Variants in LPIN3 observed in about 807,000 individuals in gnomAD.
The protein encoded by LPIN3 is lipin 3, also known as phosphatidate phosphatase LPIN3.
In LPIN3, 82 loss-of-function variants were observed where a neutral mutation model predicts 94.7. That is an observed-to-expected ratio of 0.87 (90% confidence interval 0.72 to 1.04). The LOEUF (loss-of-function observed/expected upper bound fraction) is 1.04. LPIN3 is among the 50% of genes least tolerant of loss of function. LPIN3 has a pLI of 0.00. For missense variants in LPIN3, 996 were observed against 1,090.5 expected (o/e 0.91, Z 1.22); for synonymous variants, 418 against 443.3 (o/e 0.94, Z 0.72).
intron 7 of LPIN3, 125 bp from the exon 8 acceptor site, chr20:41,351,696 T>G (rs1031174276): frequency 4.0e-6 from 3 of 757,742 alleles, no homozygotes; most frequent in Non-Finnish European, 6.6e-6. Flanking sequence ...ACATGGGACA[T>G]TTGTATCACT....
Position 41,352,213 on chromosome 20 carries a change from C to T in LPIN3, c.1356C>T (p.Ile452=). The T allele has an allele frequency of 2.5e-6, 4 of 1,614,174 alleles. No individual in the cohort carries two copies. The highest frequency in any genetic ancestry group is 3.4e-6 in the Non-Finnish European group (4 of 1,180,028). The change falls in exon 9 of 20, where the codon ATC becomes ATT. Residue 452 remains isoleucine (I), a synonymous_variant. Coordinates refer to ENST00000373257, the MANE Select transcript of LPIN3 (RefSeq NM_022896.3). The stretch of plus-strand genomic sequence containing the variant: ...GTGGACTGGCTGACAGCCGGGACAT[C>T]TCCCTAGGTATGTTCGACCATGGCC... ...LCGGLADSRD[I]SLEKFNQHSV...
chr20:41,349,787 G>A lies in LPIN3; in HGVS notation c.652G>A (p.Glu218Lys). The change falls in exon 6 of 20, where the codon GAG (glutamate) becomes AAG (lysine). Residue 218 changes from glutamate (E) to lysine (K), a missense_variant. Coordinates refer to ENST00000373257, the MANE Select transcript of LPIN3 (RefSeq NM_022896.3). ...TGTCTCCTGCAGCCTCTCAGCAGGTGAGCTAACATCCCCTAAGAGCGACTC... is the reference window on the plus strand; with the variant it reads ...TGTCTCCTGCAGCCTCTCAGCAGGTAAGCTAACATCCCCTAAGAGCGACTC... ...WPPQASLSAG[E>K]LTSPKSDSEL... 1 of 1,613,382 alleles carries A rather than the reference G, an allele frequency of 6.2e-7. No individual in the cohort carries two copies. Among genetic ancestry groups the A allele is most frequent in the Non-Finnish European group, 8.5e-7 (1 of 1,179,904 alleles).
At position 41,358,883 on chromosome 20, in the gene LPIN3, T is replaced by C. The variant is rs1476677815; in HGVS notation, c.*17T>C. The C allele has an allele frequency of 6.2e-7, 1 of 1,613,298 alleles. No homozygotes were observed. The highest frequency in any genetic ancestry group is 1.1e-5 in the South Asian group (1 of 90,986). ...CTGGACTGAACCTGCCCTGGCTGGCTCCTCCTCCCTGGCCCGGCCCAGGAC... is the reference window on the plus strand; with the variant it reads ...CTGGACTGAACCTGCCCTGGCTGGCCCCTCCTCCCTGGCCCGGCCCAGGAC... On this transcript the variant is annotated 3_prime_UTR_variant, in exon 20 of 20. Coordinates refer to ENST00000373257, the MANE Select transcript of LPIN3 (RefSeq NM_022896.3).
rs940198367 is a variant in LPIN3, at chr20:41,359,066, C to T, written c.*200C>T. 16 of 491,018 alleles carry T rather than the reference C, an allele frequency of 3.3e-5. No individual in the cohort carries two copies. Among genetic ancestry groups the T allele is most frequent in the East Asian group, 2.0e-4 (5 of 25,064 alleles). The allele number at this position is 491,018 out of a possible 1,614,324, so 30.4% of individuals were successfully genotyped here. On this transcript the variant is annotated 3_prime_UTR_variant, in exon 20 of 20. Transcript: ENST00000373257. The stretch of plus-strand genomic sequence containing the variant: ...CCAGCTAAGCTGCAGCTGCTCCAGG[C>T]GTCAGTGTGGCACTGTCCTGGGGCA...
intron 5 of LPIN3, 103 bp from the exon 6 acceptor site, chr20:41,349,671 C>T (rs1215674788): frequency 1.2e-5 from 17 of 1,388,108 alleles, no homozygotes; most frequent in Non-Finnish European, 1.6e-5. Flanking sequence ...ATGGATTCAA[C>T]ACAGGCATAA....
In LPIN3 at chr20:41,358,259, G is replaced by C. The variant is rs781659803; in HGVS notation, c.2215G>C (p.Glu739Gln). The C allele has an allele frequency of 6.2e-6, 10 of 1,613,946 alleles. No individual in the cohort carries two copies. The Admixed American group carries it at 1.5e-4, about 24-fold the overall frequency. Residue 739 changes from glutamate to glutamine, a missense_variant, in exon 18 of 20, where the codon GAG becomes CAG. By Grantham distance (29) the Glu-to-Gln change is conservative. Coordinates refer to ENST00000373257, the MANE Select transcript of LPIN3 (RefSeq NM_022896.3). ...LHREVIEKKP[E>Q]VFKVACLSDI... ...CAGAGAGGTGATCGAGAAGAAACCA[G>C]AGGTGTTCAAGGTCGCCTGCCTGAG...
Position 41,350,128 on chromosome 20 carries a change from G to A in LPIN3, c.833G>A (p.Gly278Glu), listed in dbSNP as rs1432551279. 1.2e-6 allele frequency: 2 copies of A among 1,612,512 alleles called. No individual in the cohort carries two copies. The highest frequency in any genetic ancestry group is 1.7e-5 in the Admixed American group (1 of 59,886). Residue 278 changes from glycine to glutamate, a missense_variant, in exon 7 of 20, where the codon GGA (glycine) becomes GAA (glutamate). Physicochemically the swap from Gly to Glu is moderately conservative, Grantham distance 98 (BLOSUM62 -2). Transcript: ENST00000373257. ...GCTGGGGCAACCTCTCCTCCTCGGG[G>A]AGGACCCAGCACTCCCTCTACCTCT... is the stretch of plus-strand genomic sequence containing the variant. Reference protein sequence around the residue: ...GRAGATSPPRGGPSTPSTSVA... With the variant: ...GRAGATSPPREGPSTPSTSVA...
rs1393408397 is a variant in LPIN3, at chr20:41,358,523, A to G, written c.2392A>G (p.Ile798Val). 6.2e-7 allele frequency: 1 copy of G among 1,614,070 alleles called. No individual in the cohort carries two copies. The highest frequency in any genetic ancestry group is 8.5e-7 in the Non-Finnish European group (1 of 1,179,996). ...CCGGGGAGAGCTCATCCAGGAGCTC[A>G]TAAAGAACCACAAATCCACGTGAGG... Reference protein sequence around the residue: ...NPRGELIQELIKNHKSTYERL... With the variant: ...NPRGELIQELVKNHKSTYERL... The change falls in exon 19 of 20, where the codon ATA (isoleucine) becomes GTA (valine). Residue 798 changes from isoleucine (I) to valine (V), a missense_variant. By Grantham distance (29) the Ile-to-Val change is conservative. Coordinates refer to ENST00000373257, the MANE Select transcript of LPIN3 (RefSeq NM_022896.3).
intron 5 of LPIN3, 65 bp downstream of exon 5, chr20:41,349,237 T>C (rs1175015522): frequency 2.1e-6 from 3 of 1,416,552 alleles, no homozygotes; most frequent in Admixed American, 1.8e-5. Context: ...CATTTGCATT[T>C]TTCCTGATGA....
Position 41,354,861 on chromosome 20 carries a change from G to C in LPIN3, c.1662G>C (p.Gln554His). 6.4e-7 allele frequency: 1 copy of C among 1,562,390 alleles called. No individual in the cohort carries two copies. The highest frequency in any genetic ancestry group is 8.7e-7 in the Non-Finnish European group (1 of 1,153,078). ...QKEKTAAKEQ[Q>H]GEKTEVLSSD... ...AGAAGACTGCAGCCAAGGAGCAGCA[G>C]GGGTGAGTGAGACCCCCTATTGGGG... The change falls in exon 13 of 20, where the codon CAG becomes CAC. Residue 554 changes from glutamine (Q) to histidine (H), a missense_variant and splice_region_variant. By Grantham distance (24) the Gln-to-His change is conservative. Coordinates refer to ENST00000373257, the MANE Select transcript of LPIN3 (RefSeq NM_022896.3).
Position 41,358,226 on chromosome 20 carries a change from G to T in LPIN3, c.2193-11G>T. The T allele has an allele frequency of 6.2e-7, 1 of 1,612,616 alleles. No homozygotes were observed. ...TGGCCCCCTTCCCTGCTGTGGTTCT[G>T]GCCACCCCAGAGAGGTGATCGAGAA... is the stretch of plus-strand genomic sequence containing the variant. On this transcript the variant is annotated splice_polypyrimidine_tract_variant and intron_variant, in intron 17 of 19. Coordinates refer to ENST00000373257, the MANE Select transcript of LPIN3 (RefSeq NM_022896.3).
rs2046144947 is a variant in LPIN3 at position 41,354,674 on chromosome 20, G to A, written c.1557G>A (p.Lys519=). The change falls in exon 12 of 20, where the codon AAG becomes AAA. Residue 519 remains lysine, a synonymous_variant. Coordinates refer to ENST00000373257, the MANE Select transcript of LPIN3 (RefSeq NM_022896.3). Reference sequence around the variant, plus strand: ...CCATGGACAAGCTGGAGAGGGAGAAGATGCCCCGGAAGGGTGGGCGATGGT... The same window carrying A: ...CCATGGACAAGCTGGAGAGGGAGAAAATGCCCCGGAAGGGTGGGCGATGGT... ...KSTMDKLERE[K]MPRKGGRWWF... The A allele has an allele frequency of 2.5e-6, 4 of 1,598,702 alleles. No homozygotes were observed. The African/African-American group carries it at 5.4e-5, about 21-fold the overall frequency.
rs1033974612 is a variant in LPIN3 at position 41,360,347 on chromosome 20, G to A, written c.*1481G>A. The stretch of plus-strand genomic sequence containing the variant: ...CTGGCCTCATTCAGGCCACTTTGTA[G>A]AGAAATGCCCTGACCTCGCAGGAAG... On this transcript the variant is annotated 3_prime_UTR_variant, in exon 20 of 20. Coordinates refer to ENST00000373257, the MANE Select transcript of LPIN3 (RefSeq NM_022896.3). 4 of 152,386 alleles carry A rather than the reference G, an allele frequency of 2.6e-5. No individual in the cohort carries two copies. Among genetic ancestry groups the A allele is most frequent in the Admixed American group, 2.6e-4 (4 of 15,296 alleles). The allele number at this position is 152,386 out of a possible 1,614,324, so 9.4% of individuals were successfully genotyped here.
chr20:41,357,052 C>G lies in LPIN3; in HGVS notation c.1816C>G (p.Leu606Val). Residue 606 changes from leucine to valine, a missense_variant, in exon 15 of 20, where the codon CTG (leucine) becomes GTG (valine). Leu to Val is a conservative substitution (Grantham distance 32). Transcript: ENST00000373257. ...LSSDQIRRLN[L>V]QEGANDVVFS... Reference sequence around the variant, plus strand: ...TGTCTGGCCTCAGCGGCGCCTGAACCTGCAAGAAGGTGCCAATGATGTGGT... The same window carrying G: ...TGTCTGGCCTCAGCGGCGCCTGAACGTGCAAGAAGGTGCCAATGATGTGGT... 1 of 1,612,728 alleles carries G rather than the reference C, an allele frequency of 6.2e-7. No individual in the cohort carries two copies. The highest frequency in any genetic ancestry group is 1.3e-5 in the African/African-American group (1 of 75,032).
At chr20:41,353,555 G>A (rs1361286315) in intron 11 of LPIN3, among the ~76,000 whole-genome samples, 1 of 152,184 alleles carries the variant, frequency 6.6e-6, no homozygotes, top group Non-Finnish European at 1.5e-5. Context: ...GCTGGCCAGG[G>A]GTGGGGAACA....
intron 14 of LPIN3, among the ~76,000 whole-genome samples, chr20:41,356,648 A>T (rs2046217918): frequency 6.6e-6 from 1 of 152,164 alleles, no homozygotes; most frequent in African/African-American, 2.4e-5. Context: ...CCTGGCCCCA[A>T]GGAGGGGCTT....
chr20:41,344,972 C>G (rs990214962), intron 1 of LPIN3, among the ~76,000 whole-genome samples: 2 of 152,224 alleles, frequency 1.3e-5, no homozygotes, highest in African/African-American at 4.8e-5. Context: ...AGGGGATGCT[C>G]TGCCTTGAGC....
intron 11 of LPIN3, among the ~76,000 whole-genome samples, chr20:41,354,096 G>T (rs1318287829): frequency 6.6e-6 from 1 of 152,176 alleles, no homozygotes; most frequent in Admixed American, 6.5e-5. Context: ...CCTCTCCCTG[G>T]GGTTATCTAT....
intron 7 of LPIN3, among the ~76,000 whole-genome samples, chr20:41,350,974 G>C (rs908525752): frequency 6.6e-6 from 1 of 152,134 alleles, no homozygotes; most frequent in Non-Finnish European, 1.5e-5. Flanking sequence ...GGGACAGCAT[G>C]GTGGCTCATG....
Sources: gnomAD v4.1 joint callset for allele counts (sites outside exome capture counted in the v4.1 genomes callset) on GRCh38, gnomAD v4.1.1 for gene constraint, MANE v1.5 for transcripts, NCBI Gene and HGNC (gene_info 2026-07-23, HGNC 2026-07-21) for gene names.